Variants in ARG1 observed in about 807,000 individuals in gnomAD.
The protein encoded by ARG1 is arginase-1.
A neutral mutation model predicts 33.0 loss-of-function variants in ARG1; 20 were observed. The observed-to-expected ratio is 0.61, with a 90% CI of 0.43 to 0.88. The LOEUF (loss-of-function observed/expected upper bound fraction) is 0.88, where lower values mean the gene tolerates loss of function less well. ARG1 is among the 40% of genes least tolerant of loss of function. The pLI is 0.00. For synonymous variants in ARG1, 146 were observed against 140.6 expected (o/e 1.04, Z -0.27); for missense variants, 374 against 384.7 (o/e 0.97, Z 0.23).
At chr6:131,576,828 T>C (rs1439515580) in intron 2 of ARG1, 93 bp downstream of exon 2, 7 of 1,143,152 alleles carry the variant, frequency 6.1e-6, no homozygotes, top group African/African-American at 1.5e-5. Context: ...GTCTGGAATA[T>C]TTACATCAGA....
rs755973004 is a variant in ARG1, at chr6:131,576,680, A to C, written c.75A>C (p.Glu25Asp). Reference sequence around the variant, plus strand: ...TTGTTCAGCCACGAGGAGGGGTGGAAGAAGGCCCTACAGTATTGAGAAAGG... The same window carrying C: ...TTGTTCAGCCACGAGGAGGGGTGGACGAAGGCCCTACAGTATTGAGAAAGG... ...FSKGQPRGGV[E>D]EGPTVLRKAG... Residue 25 changes from glutamate to aspartate, a missense_variant, in exon 2 of 8, where the codon GAA becomes GAC. Transcript: ENST00000368087. The C allele has an allele frequency of 6.2e-5, 100 of 1,613,960 alleles. 2 individuals carry two copies. The South Asian group carries it at 8.9e-4, about 14-fold the overall frequency.
chr6:131,582,428 G>A (rs2114544510), intron 4 of ARG1, among the ~76,000 whole-genome samples, 193 bp from the exon 5 acceptor site: 1 of 152,278 alleles, frequency 6.6e-6, no homozygotes, highest in Non-Finnish European at 1.5e-5. Flanking sequence ...ATGCCAACTG[G>A]TTCAAGGCAA....
chr6:131,574,075 G>T, intron 1 of ARG1: 4 of 606,330 alleles, frequency 6.6e-6, no homozygotes, highest in Admixed American at 5.3e-5. Context: ...TTTTTTTTCT[G>T]CCTGGGCACA....
At chr6:131,576,469 C>T (rs1287575076) in intron 1 of ARG1, among the ~76,000 whole-genome samples, 194 bp from the exon 2 acceptor site, 1 of 152,144 alleles carries the variant, frequency 6.6e-6, no homozygotes, top group Non-Finnish European at 1.5e-5. Context: ...GATTCTAGTT[C>T]TTTCTATTTG....
Position 131,583,156 on chromosome 6 carries a change from A to T in ARG1, c.657A>T (p.Leu219=), listed in dbSNP as rs1159865595. The change falls in exon 6 of 8, where the codon CTA becomes CTT. Residue 219 remains leucine (L), a synonymous_variant. Transcript: ENST00000368087. ...GKVMEETLSY[L]LGRKKRPIHL... Reference sequence around the variant, plus strand: ...TGATGGAAGAAACACTCAGCTATCTACTAGGAAGGTAGGATTCTTTTGTGT... The same window carrying T: ...TGATGGAAGAAACACTCAGCTATCTTCTAGGAAGGTAGGATTCTTTTGTGT... The T allele has an allele frequency of 2.5e-6, 4 of 1,613,464 alleles. No homozygotes were observed. The South Asian group carries it at 4.4e-5, about 18-fold the overall frequency.
Position 131,573,328 on chromosome 6 carries a change from T to A in ARG1, c.46T>A (p.Ser16Thr), listed in dbSNP as rs1773467987. 1.2e-6 allele frequency: 2 copies of A among 1,614,012 alleles called. No individual in the cohort carries two copies. The highest frequency in any genetic ancestry group is 4.5e-5 in the East Asian group (2 of 44,854). The change falls in exon 1 of 8, where the codon TCA (serine) becomes ACA (threonine). Residue 16 changes from serine (S) to threonine (T), a missense_variant. Ser to Thr is a moderately conservative substitution (Grantham distance 58). Coordinates refer to ENST00000368087, the MANE Select transcript of ARG1 (RefSeq NM_000045.4). Reference protein sequence around the residue: ...RTIGIIGAPFSKGQPRGGVEE... With the variant: ...RTIGIIGAPFTKGQPRGGVEE... ...CATAGGGATTATTGGAGCTCCTTTCTCAAAGGGACAGGTAAGGAAAAAAGT... is the reference window on the plus strand; with the variant it reads ...CATAGGGATTATTGGAGCTCCTTTCACAAAGGGACAGGTAAGGAAAAAAGT...
intron 2 of ARG1, among the ~76,000 whole-genome samples, chr6:131,577,005 TG>T (rs1773645872): frequency 6.6e-6 from 1 of 150,500 alleles, no homozygotes; most frequent in Admixed American, 6.6e-5. Context: ...GGGGTTGGGG[TG>T]GATGGTAGGG....
intron 3 of ARG1, among the ~76,000 whole-genome samples, chr6:131,580,509 A>G (rs1773863949): frequency 6.6e-6 from 1 of 152,220 alleles, no homozygotes; most frequent in Non-Finnish European, 1.5e-5. Flanking sequence ...TGCAGTTTTT[A>G]AATGGCAAAA....
intron 1 of ARG1, chr6:131,574,388 C>A: frequency 7.0e-7 from 1 of 1,437,166 alleles, no homozygotes; most frequent in Non-Finnish European, 9.8e-7. Context: ...GGAAATCCTC[C>A]AAAAGTCTCT....
In ARG1 at chr6:131,583,492, G is replaced by A; in HGVS notation, c.802+1G>A. The A allele has an allele frequency of 6.2e-7, 1 of 1,614,014 alleles. No individual in the cohort carries two copies. The highest frequency in any genetic ancestry group is 8.5e-7 in the Non-Finnish European group (1 of 1,179,946). On this transcript the variant is annotated splice_donor_variant, in intron 7 of 7. Coordinates refer to ENST00000368087, the MANE Select transcript of ARG1 (RefSeq NM_000045.4). LOFTEE classifies it high-confidence loss of function. ...ATCACAGAAGAAATCTACAAAACAG[G>A]TAGTTAACAATCTGAGGTAATAGAG...
At chr6:131,579,626 C>T (rs1272822105) in intron 3 of ARG1, 1 of 185,542 alleles carries the variant, frequency 5.4e-6, no homozygotes, top group Non-Finnish European at 1.1e-5. Context: ...ATATACAACT[C>T]ATATAGGTCA....
intron 6 of ARG1, 53 bp from the exon 7 acceptor site, chr6:131,583,302 T>A (rs978746728): frequency 9.3e-6 from 15 of 1,612,154 alleles, no homozygotes; most frequent in Non-Finnish European, 1.3e-5. Flanking sequence ...TTATTATCTA[T>A]GAAATGTGAA....
At chr6:131,579,415 TA>T (rs1183279099) in intron 3 of ARG1, 130 bp downstream of exon 3, 10 of 1,068,446 alleles carry the variant, frequency 9.4e-6, no homozygotes, top group South Asian at 3.2e-5. Flanking sequence ...TTTCTGCCTT[TA>T]AAAAAATTTT....
At position 131,581,296 on chromosome 6, in the gene ARG1, A is replaced by G. The variant is rs140549609; in HGVS notation, c.383A>G (p.Asp128Gly). 2.0e-5 allele frequency: 32 copies of G among 1,613,848 alleles called. No individual in the cohort carries two copies. Among genetic ancestry groups the G allele is most frequent in the Non-Finnish European group, 2.5e-6 (3 of 1,179,880 alleles). The change falls in exon 4 of 8, where the codon GAT becomes GGT. Residue 128 changes from aspartate to glycine, a missense_variant. Coordinates refer to ENST00000368087, the MANE Select transcript of ARG1 (RefSeq NM_000045.4). The part of the protein sequence containing the change: ...LGVIWVDAHT[D>G]INTPLTTTSG... ...GTCATCTGGGTGGATGCTCACACTG[A>G]TATCAACACTCCACTGACAACCACA...
intron 2 of ARG1, among the ~76,000 whole-genome samples, chr6:131,577,948 CA>C: frequency 6.7e-6 from 1 of 150,004 alleles, no homozygotes; most frequent in Non-Finnish European, 1.5e-5. Flanking sequence ...CAAACACAGG[CA>C]AAAACATGGT....
chr6:131,576,852 T>C, intron 2 of ARG1, 117 bp downstream of exon 2: 1 of 901,636 alleles, frequency 1.1e-6, no homozygotes, highest in African/African-American at 1.7e-5. Context: ...GCGGTACTGG[T>C]TACAACCCGA....
chr6:131,576,993 C>T (rs952023954), intron 2 of ARG1, among the ~76,000 whole-genome samples: 3 of 150,428 alleles, frequency 2.0e-5, no homozygotes, highest in Non-Finnish European at 1.5e-5. Flanking sequence ...TGTGCAAGAA[C>T]GGGGGTTGGG....
In ARG1 at chr6:131,584,038, T is replaced by G. The variant is rs1774078413; in HGVS notation, c.*130T>G. 3 of 1,005,958 alleles carry G rather than the reference T, an allele frequency of 3.0e-6. No homozygotes were observed. The East Asian group carries it at 8.0e-5, about 27-fold the overall frequency. 62.3% of individuals were successfully genotyped at this position (1,005,958 alleles called of 1,614,324 possible). ...AAATGTTTTTCCAATTAGTATAAAC[T>G]CTACAAATTCCCTCTTGGTGTAAAA... is the stretch of plus-strand genomic sequence containing the variant. On this transcript the variant is annotated 3_prime_UTR_variant, in exon 8 of 8. Coordinates refer to ENST00000368087, the MANE Select transcript of ARG1 (RefSeq NM_000045.4).
intron 3 of ARG1, chr6:131,579,544 C>T: frequency 2.9e-6 from 1 of 342,408 alleles, no homozygotes; most frequent in South Asian, 3.7e-5. Context: ...TCTAAATATT[C>T]ATCACAAGCT....
Sources: gnomAD v4.1 joint callset for allele counts (sites outside exome capture counted in the v4.1 genomes callset) on GRCh38, gnomAD v4.1.1 for gene constraint, MANE v1.5 for transcripts, NCBI Gene and HGNC (gene_info 2026-07-23, HGNC 2026-07-21) for gene names.